Variants in THRAP3 observed in about 807,000 individuals in gnomAD.
The protein encoded by THRAP3 is thyroid hormone receptor associated protein 3.
THRAP3 carries 16 observed loss-of-function variants against 101.0 expected under a neutral mutation model. The observed-to-expected ratio is 0.16, with a 90% confidence interval of 0.11 to 0.24. The LOEUF is 0.24. THRAP3 is among the 10% of genes least tolerant of loss of function. The pLI is 1.00. For missense variants in THRAP3, 989 were observed against 1,202.7 expected, an observed-to-expected ratio of 0.82 and a Z score of 2.63; for synonymous variants, 407 against 422.6, an observed-to-expected ratio of 0.96 and a Z score of 0.45.
At chr1:36,274,445 C>G (rs1302956463) in intron 2 of THRAP3, among the ~76,000 whole-genome samples, 1 of 152,040 alleles carries the variant, frequency 6.6e-6, no homozygotes, top group Non-Finnish European at 1.5e-5. Flanking sequence ...GGACATGTAC[C>G]TAGAATAGCC....
chr1:36,299,653 T>TG (rs1415199702), intron 9 of THRAP3, among the ~76,000 whole-genome samples: 7 of 151,790 alleles, frequency 4.6e-5, no homozygotes, highest in African/African-American at 1.4e-4. Flanking sequence ...GGATTACAGA[T>TG]GCTTTCCACC....
rs139275721 is a variant in THRAP3 at position 36,227,879 on chromosome 1, ACT to A, written c.-135+3377_-135+3378del. Among the ~76,000 whole-genome samples the A allele has an allele frequency of 3.3e-5, 5 of 151,234 alleles. No individual in the cohort carries two copies. The East Asian group carries it at 9.9e-4, about 30-fold the overall frequency. On this transcript the variant is annotated intron_variant, in intron 1 of 11. Coordinates refer to ENST00000354618, the MANE Select transcript of THRAP3 (RefSeq NM_005119.4). ...GTAAACATATTCTGCATGGCAGGAC[ACT>A]CTTTTTGTTTTTGAGACGGAATCTC...
At chr1:36,237,816 T>G (rs1645109183) in intron 1 of THRAP3, among the ~76,000 whole-genome samples, 1 of 151,664 alleles carries the variant, frequency 6.6e-6, no homozygotes, top group Non-Finnish European at 1.5e-5. Context: ...GGAAATAGGT[T>G]TTTTTTGTGT....
chr1:36,243,976 A>C (rs555055132), intron 1 of THRAP3, among the ~76,000 whole-genome samples: 194 of 72,886 alleles, frequency 2.7e-3, no homozygotes, highest in African/African-American at 5.3e-3. Context: ...GGGGGGCTGA[A>C]CCCCCCACCT....
At chr1:36,212,830 A>T in the THRAP3 span, among the ~76,000 whole-genome samples, 1 of 152,210 alleles carries the variant, frequency 6.6e-6, no homozygotes, top group African/African-American at 2.4e-5. Context: ...CAGCAGAGGG[A>T]TACCATGTGC....
chr1:36,223,228 A>C (rs1644917049), upstream of THRAP3, among the ~76,000 whole-genome samples: 1 of 152,186 alleles, frequency 6.6e-6, no homozygotes. Flanking sequence ...AGAAGGAAGA[A>C]AGAGTAAGCC....
At position 36,289,283 on chromosome 1, in the gene THRAP3, A is replaced by G. The variant is rs954896993; in HGVS notation, c.1264A>G (p.Met422Val). 6.2e-7 allele frequency: 1 copy of G among 1,614,018 alleles called. No homozygotes were observed. The highest frequency in any genetic ancestry group is 1.3e-5 in the African/African-American group (1 of 74,908). The change falls in exon 5 of 12, where the codon ATG becomes GTG. Residue 422 changes from methionine (M) to valine (V), a missense_variant. Coordinates refer to ENST00000354618, the MANE Select transcript of THRAP3 (RefSeq NM_005119.4). The part of the protein sequence containing the change: ...YKLRDDFEKK[M>V]ADFHKEEMDD... ...GCTCCGAGATGACTTTGAGAAGAAG[A>G]TGGCTGACTTCCACAAGGAGGAGAT...
chr1:36,296,606 T>G lies in THRAP3; in HGVS notation c.2139T>G (p.Asp713Glu), dbSNP rs779429793. 4.4e-6 allele frequency: 7 copies of G among 1,575,230 alleles called. No individual in the cohort carries two copies. The highest frequency in any genetic ancestry group is 6.0e-6 in the Non-Finnish European group (7 of 1,167,614). The change falls in exon 9 of 12, where the codon GAT becomes GAG. Residue 713 changes from aspartate (D) to glutamate (E), a missense_variant. Coordinates refer to ENST00000354618, the MANE Select transcript of THRAP3 (RefSeq NM_005119.4). ...GYKAEGKYKD[D>E]PVDLRLDIER... ...AGGCTGAGGGAAAATACAAAGATGA[T>G]CCTGTTGATCTCCGCCTTGATATTG...
At chr1:36,280,501 T>C (rs1258829990) in intron 2 of THRAP3, among the ~76,000 whole-genome samples, 1 of 152,220 alleles carries the variant, frequency 6.6e-6, no homozygotes, top group Non-Finnish European at 1.5e-5. Flanking sequence ...TCTGAGGAGA[T>C]AGCTTTTGAG....
intron 5 of THRAP3, 103 bp downstream of exon 5, chr1:36,289,867 A>T: frequency 7.0e-7 from 1 of 1,435,652 alleles, no homozygotes; most frequent in Non-Finnish European, 9.2e-7. Flanking sequence ...CTTCTGTCTT[A>T]AGCTTCAGTG....
Position 36,303,911 on chromosome 1 carries a change from A to G in THRAP3, c.2762A>G (p.Lys921Arg), listed in dbSNP as rs767336056. Residue 921 changes from lysine (K) to arginine (R), a missense_variant, in exon 12 of 12, where the codon AAG (lysine) becomes AGG (arginine). Coordinates refer to ENST00000354618, the MANE Select transcript of THRAP3 (RefSeq NM_005119.4). ...FMFRKSSTSP[K>R]WAHDKFSGEE... is the part of the protein sequence containing the mutation. ...TTCCGGAAATCAAGTACCAGCCCCA[A>G]GTGGGCCCATGACAAGTTCAGTGGG... is the stretch of plus-strand genomic sequence containing the variant. 3 of 1,613,764 alleles carry G rather than the reference A, an allele frequency of 1.9e-6. No individual in the cohort carries two copies. Among genetic ancestry groups the G allele is most frequent in the Non-Finnish European group, 8.5e-7 (1 of 1,179,888 alleles).
At chr1:36,226,682 T>C (rs908821394) in intron 1 of THRAP3, among the ~76,000 whole-genome samples, 1 of 152,234 alleles carries the variant, frequency 6.6e-6, no homozygotes, top group African/African-American at 2.4e-5. Flanking sequence ...TTCTCTCAAA[T>C]ACAGGGTTTT....
intron 2 of THRAP3, among the ~76,000 whole-genome samples, chr1:36,264,729 A>G (rs1333514107): frequency 2.0e-5 from 3 of 152,000 alleles, no homozygotes; most frequent in South Asian, 2.1e-4. Flanking sequence ...TATTGGTAAC[A>G]TTACCTTTAT....
At chr1:36,255,420 G>C (rs1393117283) in intron 1 of THRAP3, among the ~76,000 whole-genome samples, 1 of 151,844 alleles carries the variant, frequency 6.6e-6, no homozygotes, top group Non-Finnish European at 1.5e-5. Context: ...GTGAGGGCAG[G>C]TGTTCGAAAC....
At chr1:36,259,022 A>G (rs866033601) in intron 1 of THRAP3, among the ~76,000 whole-genome samples, 4 of 152,342 alleles carry the variant, frequency 2.6e-5, no homozygotes, top group Middle Eastern at 3.4e-3. Flanking sequence ...TCATTTTAAT[A>G]TACTTCTGTT....
At chr1:36,208,527 G>A in the THRAP3 span, among the ~76,000 whole-genome samples, 3 of 152,128 alleles carry the variant, frequency 2.0e-5, no homozygotes, top group Admixed American at 6.6e-5. Context: ...TGTAAAGAAG[G>A]TGGGGGAAGG....
At chr1:36,264,248 A>G (rs1320771396) in intron 2 of THRAP3, among the ~76,000 whole-genome samples, 1 of 152,210 alleles carries the variant, frequency 6.6e-6, no homozygotes, top group African/African-American at 2.4e-5. Context: ...GGAAGTTCCT[A>G]AATCTCTCCC....
chr1:36,287,190 T>C lies in THRAP3; in HGVS notation c.960T>C (p.Ser320=), dbSNP rs773711351. Residue 320 remains serine, a synonymous_variant, in exon 4 of 12, where the codon AGT becomes AGC. Transcript: ENST00000354618. The part of the protein sequence containing the change: ...SPSKKSPVGK[S]PPSTGSTYGS... ...CCAAAAAGAGCCCTGTGGGTAAGAG[T>C]CCACCATCCACTGGCTCCACATATG... 1 of 1,613,918 alleles carries C rather than the reference T, an allele frequency of 6.2e-7. No homozygotes were observed. The highest frequency in any genetic ancestry group is 8.5e-7 in the Non-Finnish European group (1 of 1,179,988).
At chr1:36,279,893 G>A (rs992985420) in intron 2 of THRAP3, among the ~76,000 whole-genome samples, 1 of 152,194 alleles carries the variant, frequency 6.6e-6, no homozygotes, top group Non-Finnish European at 1.5e-5. Context: ...AACTTGGTAA[G>A]GGTGGACACT....
Sources: allele counts gnomAD v4.1 joint callset (sites outside exome capture counted in the v4.1 genomes callset), GRCh38; gene constraint gnomAD v4.1.1; transcripts MANE v1.5; gene names NCBI Gene and HGNC (gene_info 2026-07-23, HGNC 2026-07-21).